Variants in PRCC observed in about 807,000 individuals in gnomAD.
The protein encoded by PRCC is proline-rich protein PRCC.
A neutral mutation model predicts 44.0 loss-of-function variants in PRCC; 10 were observed. The observed-to-expected ratio is 0.23, with a 90% CI of 0.14 to 0.39. The LOEUF (loss-of-function observed/expected upper bound fraction) is 0.39. PRCC is among the 10% of genes least tolerant of loss of function. The pLI, the probability that PRCC is intolerant of heterozygous loss-of-function variation, is 1.00. For missense variants in PRCC, 573 were observed against 624.7 expected (o/e 0.92, Z 0.88); for synonymous variants, 278 against 259.5 (o/e 1.07, Z -0.69).
intron 2 of PRCC, among the ~76,000 whole-genome samples, chr1:156,782,947 C>T (rs2102762088): frequency 6.6e-6 from 1 of 152,094 alleles, no homozygotes; most frequent in Non-Finnish European, 1.5e-5. Context: ...CTCTTGTTGC[C>T]CAGGCTGGAG....
Position 156,791,751 on chromosome 1 carries a change from C to T in PRCC, c.1138C>T (p.Gln380Ter). 1 of 1,614,008 alleles carries T rather than the reference C, an allele frequency of 6.2e-7. No individual in the cohort carries two copies. Among genetic ancestry groups the T allele is most frequent in the Non-Finnish European group, 8.5e-7 (1 of 1,180,014 alleles). ...ACAGGACCCGGCCCTGGTCCCCCCC[C>T]AGGAAATTGCCCCAGATGCCTCCTT... is the stretch of plus-strand genomic sequence containing the variant. ...PAQDPALVPP[Q>*]EIAPDASFID... Residue 380 changes from glutamine (Q) to a stop codon, truncating the protein, a stop_gained, in exon 4 of 7, where the codon CAG (glutamine) becomes TAG (stop). Coordinates refer to ENST00000271526, the MANE Select transcript of PRCC (RefSeq NM_005973.5). LOFTEE classifies it high-confidence loss of function.
intron 1 of PRCC, among the ~76,000 whole-genome samples, chr1:156,775,953 G>A (rs1651814290): frequency 6.6e-6 from 1 of 152,246 alleles, no homozygotes; most frequent in Admixed American, 6.5e-5. Context: ...GGCCATCCCC[G>A]CCTTGCCTCA....
chr1:156,786,576 C>G (rs565595730), intron 2 of PRCC, 32 bp from the exon 3 acceptor site: 48 of 1,571,534 alleles, frequency 3.1e-5, no homozygotes, highest in Non-Finnish European at 4.1e-5. Flanking sequence ...TGTCATCTTT[C>G]TTTCCTCCTA....
intron 1 of PRCC, among the ~76,000 whole-genome samples, chr1:156,769,998 A>G (rs1651569968): frequency 6.6e-6 from 1 of 152,208 alleles, no homozygotes; most frequent in South Asian, 2.1e-4. Context: ...CTCCATGGAA[A>G]CTTACTTTGG....
At position 156,767,724 on chromosome 1, in the gene PRCC, A is replaced by G; in HGVS notation, c.-48A>G. On this transcript the variant is annotated 5_prime_UTR_variant, in exon 1 of 7. Transcript: ENST00000271526. ...TAGGCCTCCGGGCATCCCCGGTCTCAAGTAGGCCTCATCTGCCGGCAAGGG... is the reference window on the plus strand; with the variant it reads ...TAGGCCTCCGGGCATCCCCGGTCTCGAGTAGGCCTCATCTGCCGGCAAGGG... The G allele has an allele frequency of 6.5e-7, 1 of 1,531,242 alleles. No homozygotes were observed. The highest frequency in any genetic ancestry group is 8.8e-7 in the Non-Finnish European group (1 of 1,137,086). 94.9% of individuals were successfully genotyped at this position (1,531,242 alleles called of 1,614,324 possible). A position where few individuals can be genotyped will look rare whatever the true frequency, so the allele number is the denominator to read the frequency against.
At chr1:156,788,824 G>A (rs1652373235) in intron 3 of PRCC, among the ~76,000 whole-genome samples, 1 of 151,788 alleles carries the variant, frequency 6.6e-6, no homozygotes, top group Admixed American at 6.6e-5. Context: ...ACCATGACCC[G>A]CTAATTTCTT....
At chr1:156,778,581 CTTTT>C (rs746389120) in intron 1 of PRCC, among the ~76,000 whole-genome samples, 8 of 130,056 alleles carry the variant, frequency 6.2e-5, no homozygotes, top group Non-Finnish European at 3.3e-5. Context: ...TATAGTAATT[CTTTT>C]TTTTTTTTTT....
chr1:156,789,334 C>T (rs1652396114), intron 3 of PRCC, among the ~76,000 whole-genome samples: 1 of 152,168 alleles, frequency 6.6e-6, no homozygotes. Context: ...AGACCAGTGT[C>T]CTGGAGCACT....
chr1:156,793,355 A>G (rs983806194), intron 4 of PRCC, among the ~76,000 whole-genome samples: 1 of 152,184 alleles, frequency 6.6e-6, no homozygotes, highest in Admixed American at 6.5e-5. Flanking sequence ...GGTCTCACTG[A>G]AGCTTCTAAG....
At chr1:156,794,407 C>G (rs555185478) in intron 4 of PRCC, among the ~76,000 whole-genome samples, 40 of 152,186 alleles carry the variant, frequency 2.6e-4, no homozygotes, top group Non-Finnish European at 5.1e-4. Context: ...ATTCATATCA[C>G]TGGTTCTCTG....
At chr1:156,797,000 C>T (rs1217259191) in intron 5 of PRCC, 4 of 380,978 alleles carry the variant, frequency 1.0e-5, no homozygotes, top group South Asian at 2.8e-5. Flanking sequence ...TTACCAAAGA[C>T]GCAGAAGACA....
At chr1:156,793,420 A>T (rs983907786) in intron 4 of PRCC, among the ~76,000 whole-genome samples, 1 of 151,658 alleles carries the variant, frequency 6.6e-6, no homozygotes, top group Non-Finnish European at 1.5e-5. Flanking sequence ...ACACCTCTGG[A>T]TGACTTGTGT....
chr1:156,785,009 C>CAT (rs144129979), intron 2 of PRCC, among the ~76,000 whole-genome samples: 15,431 of 151,292 alleles, frequency 0.1, 980 homozygotes, highest in African/African-American at 0.18. Flanking sequence ...AAAAATACAG[C>CAT]ATATATATAT....
chr1:156,772,770 T>G (rs554456676), intron 1 of PRCC, among the ~76,000 whole-genome samples: 91 of 152,356 alleles, frequency 6.0e-4, no homozygotes, highest in African/African-American at 2.0e-3. Flanking sequence ...TTAGCTAAGT[T>G]TTAGCCCTAG....
chr1:156,779,790 C>T (rs562413017), intron 1 of PRCC, among the ~76,000 whole-genome samples: 1 of 151,698 alleles, frequency 6.6e-6, no homozygotes, highest in East Asian at 1.9e-4. Context: ...CTATGTTGAC[C>T]AGGCTGGTCT....
chr1:156,791,522 G>A (rs971864952), intron 3 of PRCC, 175 bp from the exon 4 acceptor site: 2 of 603,984 alleles, frequency 3.3e-6, no homozygotes, highest in Admixed American at 3.2e-5. Flanking sequence ...CTGTTCTTGA[G>A]TTGTAGGTCG....
intron 1 of PRCC, among the ~76,000 whole-genome samples, chr1:156,769,417 G>C (rs1651541054): frequency 6.6e-6 from 1 of 151,468 alleles, no homozygotes; most frequent in Admixed American, 6.6e-5. Flanking sequence ...ATGAAGGCAG[G>C]GATTAAAAAA....
chr1:156,780,153 T>C (rs1017654512), intron 1 of PRCC, among the ~76,000 whole-genome samples: 4 of 151,976 alleles, frequency 2.6e-5, no homozygotes, highest in African/African-American at 4.8e-5. Context: ...GCCTCCCAGA[T>C]TTCAAGCGAT....
chr1:156,771,289 A>T (rs1558044666), intron 1 of PRCC, among the ~76,000 whole-genome samples: 1 of 152,170 alleles, frequency 6.6e-6, no homozygotes, highest in Non-Finnish European at 1.5e-5. Flanking sequence ...AGGCCAGATA[A>T]TGGGCCTTGG....
Sources: allele counts gnomAD v4.1 joint callset (sites outside exome capture counted in the v4.1 genomes callset), GRCh38; gene constraint gnomAD v4.1.1; transcripts MANE v1.5; gene names NCBI Gene and HGNC (gene_info 2026-07-23, HGNC 2026-07-21).